CROCC2: variants seen among roughly 807,000 people sequenced by gnomAD.
The protein encoded by CROCC2 is ciliary rootlet coiled-coil, rootletin family member 2.
Under a neutral mutation model 177.6 loss-of-function variants are expected in CROCC2, and 163 were observed. The observed-to-expected ratio is 0.92, with a 90% CI of 0.81 to 1.05. The LOEUF is 1.05. Ranked by LOEUF, CROCC2 falls within the 50% of genes least tolerant of loss-of-function variation. The pLI, the probability that CROCC2 is intolerant of heterozygous loss-of-function variation, is 0.00. For missense variants in CROCC2, 1,929 were observed against 1,797.8 expected (o/e 1.07, Z -1.32); for synonymous variants, 904 against 787.3 (o/e 1.15, Z -2.48).
chr2:240,952,111 C>G (rs962623553), intron 18 of CROCC2, among the ~76,000 whole-genome samples: 6 of 151,932 alleles, frequency 3.9e-5, no homozygotes, highest in Non-Finnish European at 7.4e-5. Context: ...TTTGGGAGAC[C>G]GAGGCAGGTG....
chr2:240,911,372 C>T (rs1574740664), intron 1 of CROCC2, among the ~76,000 whole-genome samples: 1 of 148,882 alleles, frequency 6.7e-6, no homozygotes. Flanking sequence ...TCTCGGCTCA[C>T]AGCAGCCTCC....
In CROCC2 at chr2:240,933,681, C is replaced by T; in HGVS notation, c.1475C>T (p.Ala492Val). 1 of 1,550,264 alleles carries T rather than the reference C, an allele frequency of 6.5e-7. No individual in the cohort carries two copies. Among genetic ancestry groups the T allele is most frequent in the Non-Finnish European group, 8.7e-7 (1 of 1,146,778 alleles). Reference sequence around the variant, plus strand: ...CCCACCATCCCCAGGGAGAAGGCTGCTCTGGAGATGGTGGTGGAGGAGCTG... The same window carrying T: ...CCCACCATCCCCAGGGAGAAGGCTGTTCTGGAGATGGTGGTGGAGGAGCTG... ...SCKLLGREKA[A>V]LEMVVEELKG... The change falls in exon 11 of 32, where the codon GCT becomes GTT. Residue 492 changes from alanine to valine, a missense_variant. Ala to Val is a moderately conservative substitution (Grantham distance 64, BLOSUM62 0). Transcript: ENST00000690015.
At chr2:240,964,885 G>A (rs1022432560) in intron 22 of CROCC2, among the ~76,000 whole-genome samples, 2 of 152,084 alleles carry the variant, frequency 1.3e-5, no homozygotes, top group African/African-American at 2.4e-5. Context: ...AGCAGCACAC[G>A]GAAGTATCCT....
Position 240,961,827 on chromosome 2 carries a change from GCACGCACACATACACTCATGACACA to G in CROCC2, c.3088-1718_3088-1694del, listed in dbSNP as rs1181021246. Reference sequence around the variant, plus strand: ...TACACTCACATACACTCACACACACGCACGCACACATACACTCATGACACACACGCACACACTCATCACACATGCT... The same window carrying G: ...TACACTCACATACACTCACACACACGCACGCACACACTCATCACACATGCT... On this transcript the variant is annotated intron_variant, in intron 20 of 31. Transcript: ENST00000690015. 1.1e-4 allele frequency among the ~76,000 whole-genome samples: 2 copies of G among 17,706 alleles called. 1 individual carries two copies. Among genetic ancestry groups the G allele is most frequent in the Admixed American group, 9.0e-4 (2 of 2,214 alleles). 11.6% of individuals were successfully genotyped at this position (17,706 alleles called of 152,430 possible). A position where few individuals can be genotyped will look rare whatever the true frequency, so the allele number is the denominator to read the frequency against.
intron 21 of CROCC2, 94 bp from the exon 22 acceptor site, chr2:240,964,372 C>A: frequency 7.1e-7 from 1 of 1,415,292 alleles, no homozygotes; most frequent in Non-Finnish European, 9.7e-7. Flanking sequence ...AAGACTGGGG[C>A]CAGTGCCTCA....
intron 27 of CROCC2, among the ~76,000 whole-genome samples, chr2:240,976,051 C>A (rs1276538989): frequency 6.6e-6 from 1 of 152,232 alleles, no homozygotes; most frequent in Non-Finnish European, 1.5e-5. Context: ...TTGGTCTCAA[C>A]GAGACCCCTG....
At position 240,970,429 on chromosome 2, in the gene CROCC2, G is replaced by A. The variant is rs911168581; in HGVS notation, c.4401+2167G>A. 2.0e-5 allele frequency among the ~76,000 whole-genome samples: 3 copies of A among 152,142 alleles called. No homozygotes were observed. The East Asian group carries it at 5.8e-4, about 29-fold the overall frequency. On this transcript the variant is annotated intron_variant, in intron 27 of 31. Transcript: ENST00000690015. ...GTAACCCATGCTCTGTTTTTCCTTAGGTTGTTCATAGGACACTTTCTCCTT... is the reference window on the plus strand; with the variant it reads ...GTAACCCATGCTCTGTTTTTCCTTAAGTTGTTCATAGGACACTTTCTCCTT...
In CROCC2 at chr2:240,946,153, G is replaced by A. The variant is rs1305579539; in HGVS notation, c.2263G>A (p.Gly755Arg). Residue 755 changes from glycine to arginine, a missense_variant, in exon 15 of 32, where the codon GGA becomes AGA. By Grantham distance (125) the Gly-to-Arg change is moderately radical. Around this residue, in one of 3 missense-constraint regions of CROCC2, gnomAD observed 1,397 missense variants for 1,239.9 expected, o/e 1.13. Coordinates refer to ENST00000690015, the MANE Select transcript of CROCC2 (RefSeq NM_001351305.2). The stretch of plus-strand genomic sequence containing the variant: ...GGGCACTCTGCAGCAAGCCCTGCAA[G>A]GAAAGGATGCTCTGTCTGAGGAGCG... ...QMGTLQQALQ[G>R]KDALSEERAQ... 11 of 1,548,380 alleles carry A rather than the reference G, an allele frequency of 7.1e-6. No homozygotes were observed. The highest frequency in any genetic ancestry group is 1.4e-5 in the African/African-American group (1 of 73,032).
At chr2:240,967,678 T>C (rs1205370181) in intron 26 of CROCC2, 1 of 719,868 alleles carries the variant, frequency 1.4e-6, no homozygotes, top group Admixed American at 6.3e-5. Context: ...CACAGAGGAG[T>C]GACGTCCACA....
At chr2:240,974,819 G>C (rs1458068314) in intron 27 of CROCC2, among the ~76,000 whole-genome samples, 3 of 152,128 alleles carry the variant, frequency 2.0e-5, no homozygotes, top group Non-Finnish European at 4.4e-5. Context: ...AGTTTTTGAT[G>C]TGAGTTCTTT....
At chr2:240,950,276 A>T (rs1020231850) in intron 17 of CROCC2, 58 bp from the exon 18 acceptor site, 23 of 1,504,774 alleles carry the variant, frequency 1.5e-5, no homozygotes, top group Non-Finnish European at 1.9e-5. Flanking sequence ...TCAGGACCAT[A>T]GACAACTGCT....
rs1574782695 is a variant in CROCC2 at position 240,963,460 on chromosome 2, G to A, written c.3088-96G>A. On this transcript the variant is annotated intron_variant, in intron 20 of 31. Transcript: ENST00000690015. ...GGGGACCAAGTTGGGCAGGGCACCT[G>A]TGCCTGCCACACCATGTCAGAGGCC... The A allele has an allele frequency of 1.4e-5, 18 of 1,292,622 alleles. No individual in the cohort carries two copies. In the East Asian group the frequency reaches 4.3e-4, roughly 31 times the overall value. The allele number at this position is 1,292,622 out of a possible 1,614,324, so 80.1% of individuals were successfully genotyped here.
intron 18 of CROCC2, among the ~76,000 whole-genome samples, chr2:240,952,307 C>A: frequency 8.2e-6 from 1 of 121,440 alleles, no homozygotes. Flanking sequence ...GATCCAGATA[C>A]TCCTTCTCAA....
chr2:240,952,388 A>G (rs1165572322), intron 18 of CROCC2, among the ~76,000 whole-genome samples: 1 of 150,946 alleles, frequency 6.6e-6, no homozygotes, highest in Non-Finnish European at 1.5e-5. Flanking sequence ...TTTATTGTCA[A>G]ACTCTCTGCA....
chr2:240,942,993 A>G (rs1241156388), intron 14 of CROCC2, among the ~76,000 whole-genome samples: 1 of 152,120 alleles, frequency 6.6e-6, no homozygotes, highest in East Asian at 1.9e-4. Flanking sequence ...TAAAAAATAC[A>G]TACTTTTTCA....
chr2:240,982,893 C>G lies in CROCC2; in HGVS notation c.4415C>G (p.Thr1472Arg), dbSNP rs575273528. 5.2e-6 allele frequency: 8 copies of G among 1,548,808 alleles called. No homozygotes were observed. The African/African-American group carries it at 1.1e-4, about 21-fold the overall frequency. Residue 1472 changes from threonine to arginine, a missense_variant, in exon 28 of 32, where the codon ACG (threonine) becomes AGG (arginine). Thr to Arg is a moderately conservative substitution (Grantham distance 71, BLOSUM62 -1). This residue lies in a region of CROCC2 where 388 missense variants were observed against 352.7 expected (regional missense o/e 1.10). Transcript: ENST00000690015. This position sits in a 1 kb window ranked among gnomAD's most constrained non-coding sequence, Gnocchi z 4.7. Reference protein sequence around the residue: ...EKRRLQEQLETLRQALEESRR... With the variant: ...EKRRLQEQLERLRQALEESRR... The stretch of plus-strand genomic sequence containing the variant: ...CCTTCCCCCCAGGAGCAACTGGAAA[C>G]GCTGCGCCAGGCTCTTGAAGAGAGC...
intron 20 of CROCC2, chr2:240,963,158 C>T (rs1025101251): frequency 2.0e-5 from 4 of 196,280 alleles, no homozygotes; most frequent in African/African-American, 9.2e-5. Context: ...ACCACACTGT[C>T]ACCTAAGGAG....
At chr2:240,941,338 T>C (rs1435574335) in intron 14 of CROCC2, among the ~76,000 whole-genome samples, 1 of 152,006 alleles carries the variant, frequency 6.6e-6, no homozygotes, top group African/African-American at 2.4e-5. Flanking sequence ...AAATCCTAAA[T>C]TTCATATGGA....
chr2:240,975,719 CTTTTTTTTTTTTT>C (rs55896940), intron 27 of CROCC2, among the ~76,000 whole-genome samples: 1 of 88,008 alleles, frequency 1.1e-5, no homozygotes, highest in Admixed American at 1.3e-4. Flanking sequence ...AACCAGCCTG[CTTTTTTTTTTTTT>C]TTTTTTTTTT....
Sources: gnomAD v4.1 joint callset for allele counts (sites outside exome capture counted in the v4.1 genomes callset) on GRCh38, gnomAD v4.1.1 for gene constraint, gnomAD v4.1.1 regional missense constraint, Gnocchi (gnomAD v3.1) non-coding constraint, MANE v1.5 for transcripts, NCBI Gene and HGNC (gene_info 2026-07-23, HGNC 2026-07-21) for gene names.